ACACA: variants seen among roughly 807,000 people sequenced by gnomAD.
The protein encoded by ACACA is acetyl-CoA carboxylase alpha.
ACACA carries 103 observed loss-of-function variants against 296.1 expected under a neutral mutation model. The ratio of observed to expected loss-of-function variants is 0.35; its 90% CI spans 0.30 to 0.41. The LOEUF (loss-of-function observed/expected upper bound fraction) is 0.41. Among genes scored for constraint, ACACA ranks in the 10% least tolerant of loss-of-function variants. ACACA has a pLI of 1.00. For synonymous variants in ACACA, 953 were observed against 1,038.6 expected, an observed-to-expected ratio of 0.92 and a Z score of 1.58; for missense variants, 1,554 against 2,989.7, an observed-to-expected ratio of 0.52 and a Z score of 11.20.
At chr17:37,240,673 T>C (rs538032251) in intron 23 of ACACA, 109 bp from the exon 24 acceptor site, 4 of 831,002 alleles carry the variant, frequency 4.8e-6, no homozygotes, top group African/African-American at 3.4e-5. Context: ...CTGCTTTCCC[T>C]CTGAATAAAG....
At chr17:37,196,356 C>A (rs186673014) in intron 35 of ACACA, among the ~76,000 whole-genome samples, 1 of 151,654 alleles carries the variant, frequency 6.6e-6, no homozygotes, top group Non-Finnish European at 1.5e-5. Flanking sequence ...CTTCAAGGTC[C>A]AAATAATCCA....
chr17:37,268,753 A>C lies in ACACA; in HGVS notation c.1119+1998T>G, dbSNP rs867577564. Among the ~76,000 whole-genome samples, 133 of 142,666 alleles carry C rather than the reference A, an allele frequency of 9.3e-4. 2 individuals carry two copies. The South Asian group carries it at 0.017, about 18-fold the overall frequency. 93.6% of individuals were successfully genotyped at this position (142,666 alleles called of 152,430 possible). ...TCTATCTATCTATCTATATATATAT[A>C]TATATATATATATATCTGGTTCAGC... On this transcript the variant is annotated intron_variant, in intron 10 of 55. Transcript: ENST00000616317.
At chr17:37,391,006 C>T (rs1314771816) in intron 1 of ACACA, among the ~76,000 whole-genome samples, 1 of 151,594 alleles carries the variant, frequency 6.6e-6, no homozygotes, top group Non-Finnish European at 1.5e-5. Flanking sequence ...TTTGGGAGGC[C>T]GAGGTGGATG....
chr17:37,398,910 T>C (rs1353727775), intron 1 of ACACA, among the ~76,000 whole-genome samples: 1 of 148,876 alleles, frequency 6.7e-6, no homozygotes, highest in Non-Finnish European at 1.5e-5. Flanking sequence ...GAAACGCTTA[T>C]GAATTAGACA....
In ACACA at chr17:37,232,109, T is replaced by C. The variant is rs910633109; in HGVS notation, c.3246+2866A>G. On this transcript the variant is annotated intron_variant, in intron 25 of 55. Transcript: ENST00000616317. ...AGGCAAGTTACCACTGGGCAGGTTATGCTAACACCTGGAGAGGATGAAGGT... is the reference window on the plus strand; with the variant it reads ...AGGCAAGTTACCACTGGGCAGGTTACGCTAACACCTGGAGAGGATGAAGGT... 1.2e-4 allele frequency among the ~76,000 whole-genome samples: 19 copies of C among 152,190 alleles called. 1 individual carries two copies. The highest frequency in any genetic ancestry group is 4.1e-4 in the South Asian group (2 of 4,832).
chr17:37,284,974 T>C lies in ACACA; in HGVS notation c.339-4A>G. 1.9e-6 allele frequency: 3 copies of C among 1,613,508 alleles called. No individual in the cohort carries two copies. The highest frequency in any genetic ancestry group is 1.3e-5 in the African/African-American group (1 of 74,984). On this transcript the variant is annotated splice_region_variant and splice_polypyrimidine_tract_variant and intron_variant, in intron 3 of 55. Coordinates refer to ENST00000616317, the MANE Select transcript of ACACA (RefSeq NM_198834.3). ...GTGCAAGCCAGACATGCTGGACCTATAAAAATACAGAAGCCATAAAAACAC... is the reference window on the plus strand; with the variant it reads ...GTGCAAGCCAGACATGCTGGACCTACAAAAATACAGAAGCCATAAAAACAC...
chr17:37,148,739 C>T (rs982398428), intron 45 of ACACA, among the ~76,000 whole-genome samples: 14 of 146,584 alleles, frequency 9.6e-5, no homozygotes, highest in African/African-American at 3.0e-4. Flanking sequence ...ACTAGGTACT[C>T]TTTTTTTTTT....
chr17:37,386,031 A>G (rs761089241), intron 1 of ACACA: 5 of 1,598,656 alleles, frequency 3.1e-6, no homozygotes, highest in Admixed American at 1.7e-5. Flanking sequence ...GGATCTCACA[A>G]TGTAAAGTCC....
chr17:37,258,135 A>G, intron 13 of ACACA, 77 bp downstream of exon 13: 2 of 1,524,582 alleles, frequency 1.3e-6, no homozygotes, highest in Middle Eastern at 1.7e-4. Context: ...AAGATATTTC[A>G]GAAGTATACT....
intron 5 of ACACA, among the ~76,000 whole-genome samples, chr17:37,279,924 A>G (rs1013121018): frequency 6.6e-6 from 1 of 152,176 alleles, no homozygotes; most frequent in Non-Finnish European, 1.5e-5. Flanking sequence ...AATAGCCTAT[A>G]TAATTCATTT....
intron 1 of ACACA, among the ~76,000 whole-genome samples, chr17:37,397,737 G>A (rs1027758765): frequency 6.6e-6 from 1 of 151,880 alleles, no homozygotes; most frequent in Non-Finnish European, 1.5e-5. Flanking sequence ...AGTGAACTTC[G>A]ATCCATGTTT....
intron 45 of ACACA, among the ~76,000 whole-genome samples, chr17:37,132,218 A>C (rs2075132215): frequency 6.6e-6 from 1 of 152,224 alleles, no homozygotes; most frequent in Non-Finnish European, 1.5e-5. Flanking sequence ...TTATGGCTTT[A>C]GTCTTTCTAA....
At chr17:37,119,589 A>AACACACACACACACAC (rs71368443) in intron 50 of ACACA, among the ~76,000 whole-genome samples, 6 of 128,352 alleles carry the variant, frequency 4.7e-5, no homozygotes, top group Non-Finnish European at 1.0e-4. Flanking sequence ...TTTTCAACCA[A>AACACACACACACACAC]ACACACACAC....
chr17:37,245,608 C>A (rs2080655708), intron 19 of ACACA, among the ~76,000 whole-genome samples: 1 of 152,168 alleles, frequency 6.6e-6, no homozygotes, highest in Non-Finnish European at 1.5e-5. Flanking sequence ...CAATTACCAA[C>A]CCAGCCAGAC....
rs1298862720 is a variant in ACACA at position 37,085,596 on chromosome 17, ATG to A, written c.*1718_*1719del. 12 of 398,786 alleles carry A rather than the reference ATG, an allele frequency of 3.0e-5. No individual in the cohort carries two copies. In the East Asian group the frequency reaches 4.3e-4, roughly 14 times the overall value. 24.7% of individuals were successfully genotyped at this position (398,786 alleles called of 1,614,324 possible). On this transcript the variant is annotated 3_prime_UTR_variant, in exon 56 of 56. Transcript: ENST00000616317. Reference sequence around the variant, plus strand: ...ACTGAGAATTGTCCCCCACCACTTTATGCCCTTTTCTGAAGGTGCTGAACACC... The same window carrying A: ...ACTGAGAATTGTCCCCCACCACTTTACCCTTTTCTGAAGGTGCTGAACACC...
chr17:37,115,915 A>C (rs557141998), intron 50 of ACACA, among the ~76,000 whole-genome samples: 166 of 152,212 alleles, frequency 1.1e-3, no homozygotes, highest in South Asian at 2.1e-3. Flanking sequence ...AATAAGAGTG[A>C]GTGGTGGAGA....
At chr17:37,128,358 A>G (rs2074927479) in intron 47 of ACACA, among the ~76,000 whole-genome samples, 1 of 152,190 alleles carries the variant, frequency 6.6e-6, no homozygotes, top group Admixed American at 6.5e-5. Flanking sequence ...GAAGTGCTTT[A>G]CAGTCCCACC....
At chr17:37,142,138 C>G (rs999059918) in intron 45 of ACACA, among the ~76,000 whole-genome samples, 1 of 151,900 alleles carries the variant, frequency 6.6e-6, no homozygotes, top group Non-Finnish European at 1.5e-5. Context: ...AGAGCTTTCA[C>G]TTTATCTAGA....
At chr17:37,346,315 T>TG (rs2048614970) in intron 1 of ACACA, among the ~76,000 whole-genome samples, 1 of 99,946 alleles carries the variant, frequency 1.0e-5, no homozygotes, top group Non-Finnish European at 1.8e-5. Context: ...AGACTCTCTC[T>TG]CAAAAAAAAA....
Sources: allele counts gnomAD v4.1 joint callset (sites outside exome capture counted in the v4.1 genomes callset), GRCh38; gene constraint gnomAD v4.1.1; transcripts MANE v1.5; gene names NCBI Gene and HGNC (gene_info 2026-07-23, HGNC 2026-07-21).